ST7: variants seen among roughly 807,000 people sequenced by gnomAD.
The protein encoded by ST7 is suppressor of tumorigenicity 7 protein.
ST7 carries 28 observed loss-of-function variants against 78.7 expected under a neutral mutation model. That is an observed-to-expected ratio of 0.36 (90% CI 0.26 to 0.49). The LOEUF (loss-of-function observed/expected upper bound fraction) is 0.49, where lower values mean the gene tolerates loss of function less well. Among genes scored for constraint, ST7 ranks in the 20% least tolerant of loss-of-function variants. ST7 has a pLI of 0.99. For synonymous variants in ST7, 247 were observed against 249.6 expected, an observed-to-expected ratio of 0.99 and a Z score of 0.10; for missense variants, 418 against 696.0, an observed-to-expected ratio of 0.60 and a Z score of 4.49.
chr7:116,991,366 G>A (rs574925797), intron 1 of ST7, among the ~76,000 whole-genome samples: 46 of 152,310 alleles, frequency 3.0e-4, no homozygotes, highest in Non-Finnish European at 5.6e-4. Context: ...AGAAAAAGAG[G>A]TTTAATTGGA....
intron 2 of ST7, among the ~76,000 whole-genome samples, chr7:117,119,280 T>C (rs140188825): frequency 1.5e-3 from 224 of 152,354 alleles, no homozygotes; most frequent in African/African-American, 4.7e-3. Flanking sequence ...GAATATTATA[T>C]ATAAATTTGG....
intron 10 of ST7, among the ~76,000 whole-genome samples, chr7:117,176,600 G>A (rs1266865048): frequency 6.6e-6 from 1 of 152,172 alleles, no homozygotes; most frequent in Non-Finnish European, 1.5e-5. Context: ...AAGTTATTCA[G>A]CTATCATCAT....
intron 1 of ST7, among the ~76,000 whole-genome samples, chr7:117,057,643 G>C (rs1798130760): frequency 2.6e-5 from 4 of 152,066 alleles, no homozygotes; most frequent in Admixed American, 2.6e-4. Context: ...TAGATATTAA[G>C]CTATTTCAGA....
chr7:117,090,458 T>A (rs1025329672), intron 1 of ST7, among the ~76,000 whole-genome samples: 1 of 152,188 alleles, frequency 6.6e-6, no homozygotes, highest in Non-Finnish European at 1.5e-5. Context: ...CTGTGCTGGG[T>A]GCTCTGTGTT....
At chr7:117,121,965 G>A (rs1803411217) in intron 3 of ST7, among the ~76,000 whole-genome samples, 1 of 148,448 alleles carries the variant, frequency 6.7e-6, no homozygotes, top group South Asian at 2.2e-4. Flanking sequence ...GCTACAAGAA[G>A]CTAGAAATAA....
intron 1 of ST7, chr7:116,972,679 TC>T: frequency 1.9e-6 from 2 of 1,049,926 alleles, no homozygotes; most frequent in African/African-American, 1.6e-5. Context: ...TTCCGCTTCT[TC>T]CAGCTTTTGC....
intron 1 of ST7, among the ~76,000 whole-genome samples, chr7:117,099,060 A>AAAAAAAAAAAAAAAAAAG (rs1563080151): frequency 6.9e-6 from 1 of 144,248 alleles, no homozygotes; most frequent in Non-Finnish European, 1.5e-5. Context: ...AAAAAAAAAA[A>AAAAAAAAAAAAAAAAAAG]AAAAACAAAA....
chr7:117,205,909 G>T (rs1431798989), intron 12 of ST7, among the ~76,000 whole-genome samples: 2 of 152,208 alleles, frequency 1.3e-5, no homozygotes, highest in Non-Finnish European at 2.9e-5. Flanking sequence ...CGTGTTCTTT[G>T]ATTTGTGAGC....
intron 1 of ST7, among the ~76,000 whole-genome samples, chr7:117,006,592 C>A (rs543606303): frequency 6.6e-6 from 1 of 152,294 alleles, no homozygotes; most frequent in South Asian, 2.1e-4. Context: ...CTAATTCCTA[C>A]CAAACTTTTA....
intron 8 of ST7, chr7:117,136,514 C>G (rs1319034794): frequency 3.6e-6 from 2 of 560,310 alleles, no homozygotes. Context: ...CTTTTTTCCT[C>G]CTGAGTTCTT....
chr7:117,050,596 C>T (rs1209751755), intron 1 of ST7, among the ~76,000 whole-genome samples: 5 of 151,434 alleles, frequency 3.3e-5, no homozygotes, highest in South Asian at 4.2e-4. Context: ...AATAGACTAC[C>T]GTCTCTATAT....
intron 2 of ST7, among the ~76,000 whole-genome samples, chr7:117,103,510 C>G (rs1039418352): frequency 6.6e-6 from 1 of 152,208 alleles, no homozygotes; most frequent in Non-Finnish European, 1.5e-5. Context: ...AATGGACAGT[C>G]TCTTCAATAA....
intron 1 of ST7, among the ~76,000 whole-genome samples, chr7:116,963,238 C>A (rs532170837): frequency 6.6e-6 from 1 of 152,176 alleles, no homozygotes; most frequent in Non-Finnish European, 1.5e-5. Context: ...TATCTCTCAA[C>A]ATCATTATTG....
intron 9 of ST7, among the ~76,000 whole-genome samples, chr7:117,156,844 G>T (rs140384399): frequency 6.6e-6 from 1 of 152,338 alleles, no homozygotes; most frequent in African/African-American, 2.4e-5. Context: ...AGGAAGTTTA[G>T]TGGGAGTAAT....
intron 12 of ST7, among the ~76,000 whole-genome samples, chr7:117,203,806 C>T (rs1811088144): frequency 6.6e-6 from 1 of 152,106 alleles, no homozygotes; most frequent in Non-Finnish European, 1.5e-5. Context: ...ATATCCATGC[C>T]CCTGAGGTAA....
At chr7:117,007,801 A>AC (rs1459323481) in intron 1 of ST7, among the ~76,000 whole-genome samples, 1 of 152,160 alleles carries the variant, frequency 6.6e-6, no homozygotes, top group Non-Finnish European at 1.5e-5. Context: ...TACCCATTAA[A>AC]CAACTCCCCA....
At chr7:116,982,541 T>C (rs1794005363) in intron 1 of ST7, among the ~76,000 whole-genome samples, 1 of 152,184 alleles carries the variant, frequency 6.6e-6, no homozygotes, top group South Asian at 2.1e-4. Flanking sequence ...CAGTGGGATA[T>C]AGCCTATTTT....
At chr7:116,960,477 C>T (rs1792769480) in intron 1 of ST7, among the ~76,000 whole-genome samples, 1 of 152,236 alleles carries the variant, frequency 6.6e-6, no homozygotes, top group East Asian at 1.9e-4. Flanking sequence ...GCGTGAGCCA[C>T]TGCAGACACA....
At chr7:116,978,166 C>T (rs1169196708) in intron 1 of ST7, among the ~76,000 whole-genome samples, 11 of 152,172 alleles carry the variant, frequency 7.2e-5, no homozygotes, top group Non-Finnish European at 1.6e-4. Flanking sequence ...TGGAGACTTA[C>T]ATGACATTTT....
Sources: gnomAD v4.1 joint callset for allele counts (sites outside exome capture counted in the v4.1 genomes callset) on GRCh38, gnomAD v4.1.1 for gene constraint, MANE v1.5 for transcripts, NCBI Gene and HGNC (gene_info 2026-07-23, HGNC 2026-07-21) for gene names.